COL28A1: variants seen among roughly 807,000 people sequenced by gnomAD.
The protein encoded by COL28A1 is collagen type XXVIII alpha 1 chain, also known as collagen alpha-1(XXVIII) chain.
Under a neutral mutation model 150.2 loss-of-function variants are expected in COL28A1, and 161 were observed. The observed-to-expected ratio is 1.07, with a 90% CI of 0.94 to 1.22. COL28A1 has a LOEUF of 1.22. Among genes scored for constraint, COL28A1 ranks in the 50% most tolerant of loss-of-function variants. The probability of loss-of-function intolerance (pLI) is 0.00; values close to 1 mark genes in which losing one functional copy is unlikely to be tolerated. For synonymous variants in COL28A1, 552 were observed against 469.7 expected, an observed-to-expected ratio of 1.18 and a Z score of -2.26; for missense variants, 1,617 against 1,388.3, an observed-to-expected ratio of 1.16 and a Z score of -2.62.
chr7:7,406,445 GA>G (rs1783496511), intron 27 of COL28A1, among the ~76,000 whole-genome samples: 2 of 152,102 alleles, frequency 1.3e-5, no homozygotes, highest in South Asian at 4.2e-4. Flanking sequence ...AGGAGAGGGG[GA>G]TAAAAGAAAC....
rs756616863 is a variant in COL28A1, at chr7:7,419,922, G to C, written c.2030C>G (p.Pro677Arg). 1 of 1,602,078 alleles carries C rather than the reference G, an allele frequency of 6.2e-7. No individual in the cohort carries two copies. Among genetic ancestry groups the C allele is most frequent in the African/African-American group, 1.3e-5 (1 of 74,356 alleles). ...GGTTCCTACGCCCCGAGGCCCAGAAGGACCTGGAGGGCCTCTGACCCCAGG... is the reference window on the plus strand; with the variant it reads ...GGTTCCTACGCCCCGAGGCCCAGAACGACCTGGAGGGCCTCTGACCCCAGG... ...GEPGVRGPPG[P>R]SGPRGVGTQG... The change falls in exon 26 of 35, where the codon CCT becomes CGT. Residue 677 changes from proline to arginine, a missense_variant. Coordinates refer to ENST00000399429, the MANE Select transcript of COL28A1 (RefSeq NM_001037763.3).
intron 13 of COL28A1, among the ~76,000 whole-genome samples, chr7:7,478,574 AC>A (rs1425741625): frequency 6.6e-6 from 1 of 152,248 alleles, no homozygotes; most frequent in Non-Finnish European, 1.5e-5. Flanking sequence ...AGTTGATGGC[AC>A]CAGGCGCTGT....
chr7:7,356,549 T>C (rs925917516), downstream of COL28A1: 2 of 152,160 alleles, frequency 1.3e-5, no homozygotes, highest in Non-Finnish European at 2.9e-5. Flanking sequence ...TGTAGGGACA[T>C]GGATGAAGCT....
intron 27 of COL28A1, among the ~76,000 whole-genome samples, chr7:7,410,454 T>C (rs186484380): frequency 1.3e-5 from 2 of 152,304 alleles, no homozygotes; most frequent in African/African-American, 4.8e-5. Context: ...AGTGGAGTCA[T>C]CGTGTGAATT....
rs71010980 is a variant in COL28A1 at position 7,443,986 on chromosome 7, G to GTTTTT, written c.1582-338_1582-334dup. 9.7e-4 allele frequency among the ~76,000 whole-genome samples: 93 copies of GTTTTT among 95,532 alleles called. 2 individuals are homozygous for GTTTTT. The highest frequency in any genetic ancestry group is 2.3e-3 in the African/African-American group (58 of 24,930). The allele number at this position is 95,532 out of a possible 152,430, so 62.7% of individuals were successfully genotyped here. On this transcript the variant is annotated intron_variant, in intron 19 of 34. Coordinates refer to ENST00000399429, the MANE Select transcript of COL28A1 (RefSeq NM_001037763.3). ...AAGACCTTCAGCCTTTCCATCTGCTGTTTTTTTTTTTTTTTTTTTTTGCTA... is the reference window on the plus strand; with the variant it reads ...AAGACCTTCAGCCTTTCCATCTGCTGTTTTTTTTTTTTTTTTTTTTTTTTTTGCTA...
intron 11 of COL28A1, 56 bp from the exon 12 acceptor site, chr7:7,490,702 C>A: frequency 2.5e-6 from 2 of 814,816 alleles, no homozygotes; most frequent in Non-Finnish European, 4.2e-6. Context: ...ATAGTATTGA[C>A]TAAGCAGCTT....
intron 15 of COL28A1, among the ~76,000 whole-genome samples, chr7:7,464,699 T>C (rs910351904): frequency 2.6e-5 from 4 of 152,108 alleles, no homozygotes; most frequent in African/African-American, 4.8e-5. Flanking sequence ...TAAACACCTA[T>C]ATCAAAAAGT....
At chr7:7,485,310 G>T (rs930060528) in intron 13 of COL28A1, among the ~76,000 whole-genome samples, 1 of 151,904 alleles carries the variant, frequency 6.6e-6, no homozygotes, top group Non-Finnish European at 1.5e-5. Context: ...TTTCTAATTC[G>T]ATTTTTATTA....
intron 16 of COL28A1, among the ~76,000 whole-genome samples, chr7:7,454,319 A>C (rs1177298803): frequency 6.6e-6 from 1 of 152,230 alleles, no homozygotes; most frequent in Non-Finnish European, 1.5e-5. Flanking sequence ...ATGGATAAAC[A>C]CATCAAATTA....
chr7:7,381,679 A>C lies in COL28A1; in HGVS notation c.2137-67T>G, dbSNP rs1294627. On this transcript the variant is annotated intron_variant, in intron 27 of 34. Coordinates refer to ENST00000399429, the MANE Select transcript of COL28A1 (RefSeq NM_001037763.3). The stretch of plus-strand genomic sequence containing the variant: ...GGATAGCTTGGCTATTCTTTGGGTC[A>C]GAAACACACTTACGGTTTAAAACTG... 51 of 1,144,856 alleles carry C rather than the reference A, an allele frequency of 4.5e-5. No individual in the cohort carries two copies. The Middle Eastern group carries it at 5.8e-4, about 13-fold the overall frequency. The allele number at this position is 1,144,856 out of a possible 1,614,324, so 70.9% of individuals were successfully genotyped here.
At chr7:7,506,434 T>C (rs1780814007) in intron 10 of COL28A1, among the ~76,000 whole-genome samples, 1 of 152,218 alleles carries the variant, frequency 6.6e-6, no homozygotes, top group Admixed American at 6.5e-5. Context: ...CCAATGAACC[T>C]GGGATAACCA....
At chr7:7,526,145 A>G (rs1782011916) in intron 3 of COL28A1, among the ~76,000 whole-genome samples, 1 of 152,268 alleles carries the variant, frequency 6.6e-6, no homozygotes, top group African/African-American at 2.4e-5. Flanking sequence ...GACCTGCTTT[A>G]TCACGAGGCT....
At chr7:7,498,890 C>T (rs1435301530) in intron 11 of COL28A1, among the ~76,000 whole-genome samples, 1 of 151,396 alleles carries the variant, frequency 6.6e-6, no homozygotes, top group Non-Finnish European at 1.5e-5. Context: ...GAGCTTTTAC[C>T]TGACAATCTA....
At chr7:7,350,088 G>A in the COL28A1 span, among the ~76,000 whole-genome samples, 6 of 152,050 alleles carry the variant, frequency 3.9e-5, no homozygotes, top group Admixed American at 6.6e-5. Flanking sequence ...ATTTGAAGGA[G>A]GAAAATAATT....
intron 11 of COL28A1, among the ~76,000 whole-genome samples, chr7:7,503,002 A>G (rs961087230): frequency 6.6e-6 from 1 of 152,100 alleles, no homozygotes; most frequent in African/African-American, 2.4e-5. Context: ...TTTTTCCTGC[A>G]CTTTCAGATG....
At chr7:7,476,293 C>T (rs954363554) in intron 14 of COL28A1, among the ~76,000 whole-genome samples, 2 of 152,178 alleles carry the variant, frequency 1.3e-5, no homozygotes, top group African/African-American at 2.4e-5. Flanking sequence ...TGATGCTGCT[C>T]ATTTTGGAAA....
chr7:7,518,517 G>C (rs1445282552), intron 6 of COL28A1, among the ~76,000 whole-genome samples: 3 of 151,896 alleles, frequency 2.0e-5, no homozygotes, highest in East Asian at 1.9e-4. Context: ...CTTTCTAATA[G>C]GGCTGTTTTA....
intron 15 of COL28A1, among the ~76,000 whole-genome samples, chr7:7,471,035 G>A (rs1303803775): frequency 7.2e-5 from 10 of 139,148 alleles, no homozygotes; most frequent in East Asian, 2.2e-4. Flanking sequence ...TGGGTGCAGC[G>A]CACCAGCATG....
chr7:7,402,489 T>C (rs999198731), intron 27 of COL28A1, among the ~76,000 whole-genome samples: 1 of 152,028 alleles, frequency 6.6e-6, no homozygotes, highest in African/African-American at 2.4e-5. Flanking sequence ...CATGTAGTAA[T>C]TGTATCATAT....
Sources: gnomAD v4.1 joint callset for allele counts (sites outside exome capture counted in the v4.1 genomes callset) on GRCh38, gnomAD v4.1.1 for gene constraint, MANE v1.5 for transcripts, NCBI Gene and HGNC (gene_info 2026-07-23, HGNC 2026-07-21) for gene names.